The following ATP9B variants were observed in gnomAD, a reference collection of about 807,000 sequenced individuals.
The protein encoded by ATP9B is ATPase phospholipid transporting 9B, also known as probable phospholipid-transporting ATPase IIB.
Under a neutral mutation model 146.1 loss-of-function variants are expected in ATP9B, and 110 were observed. The ratio of observed to expected loss-of-function variants is 0.75; its 90% CI spans 0.65 to 0.88. The LOEUF is 0.88. ATP9B is among the 40% of genes least tolerant of loss of function. ATP9B has a pLI of 0.00. For missense variants in ATP9B, 1,499 were observed against 1,496.4 expected, an observed-to-expected ratio of 1.00 and a Z score of -0.03; for synonymous variants, 604 against 569.7, an observed-to-expected ratio of 1.06 and a Z score of -0.86.
chr18:79,137,290 C>G (rs530463598), intron 5 of ATP9B, among the ~76,000 whole-genome samples: 1 of 152,196 alleles, frequency 6.6e-6, no homozygotes, highest in Non-Finnish European at 1.5e-5. Flanking sequence ...TTTTTCTCCT[C>G]GTATGGGTCA....
chr18:79,232,852 C>A (rs2095804891), intron 11 of ATP9B, among the ~76,000 whole-genome samples: 1 of 152,164 alleles, frequency 6.6e-6, no homozygotes, highest in African/African-American at 2.4e-5. Flanking sequence ...CCTTGAAGGG[C>A]TTATTTGTAG....
chr18:79,167,919 C>T (rs557605971), intron 7 of ATP9B, among the ~76,000 whole-genome samples: 78 of 152,314 alleles, frequency 5.1e-4, no homozygotes, highest in African/African-American at 1.7e-3. Flanking sequence ...CCAAGGTTGC[C>T]TGCAGGCCTG....
intron 11 of ATP9B, among the ~76,000 whole-genome samples, chr18:79,219,781 G>A (rs1394511585): frequency 6.6e-6 from 1 of 152,070 alleles, no homozygotes; most frequent in African/African-American, 2.4e-5. Context: ...ACGTTCCTGA[G>A]GTTAAAAAAT....
intron 7 of ATP9B, among the ~76,000 whole-genome samples, chr18:79,156,895 C>G (rs1329579502): frequency 6.6e-6 from 1 of 152,166 alleles, no homozygotes; most frequent in Non-Finnish European, 1.5e-5. Flanking sequence ...ACAGCACAGA[C>G]TGCTGCGTGG....
chr18:79,261,892 T>C (rs2145319396), intron 12 of ATP9B, among the ~76,000 whole-genome samples: 1 of 152,312 alleles, frequency 6.6e-6, no homozygotes, highest in Admixed American at 6.5e-5. Context: ...TCCCACTTTA[T>C]AATAGGCAGC....
intron 12 of ATP9B, among the ~76,000 whole-genome samples, chr18:79,268,994 T>C (rs867639924): frequency 1.3e-5 from 2 of 152,276 alleles, no homozygotes; most frequent in Middle Eastern, 3.4e-3. Flanking sequence ...CCTCTCCTCA[T>C]TGGTGGCATT....
intron 25 of ATP9B, among the ~76,000 whole-genome samples, chr18:79,355,950 C>T (rs1463491076): frequency 6.6e-6 from 1 of 152,122 alleles, no homozygotes; most frequent in Non-Finnish European, 1.5e-5. Flanking sequence ...GCCTCATGGG[C>T]ACGGCACACT....
In ATP9B at chr18:79,316,693, A is replaced by G. The variant is rs116332533; in HGVS notation, c.1773+9459A>G. The stretch of plus-strand genomic sequence containing the variant: ...CCCTCACCAGATGCCATGTGCATCA[A>G]GAGAAAGAAATGAACATATGTTAAC... On this transcript the variant is annotated intron_variant, in intron 15 of 29. Coordinates refer to ENST00000426216, the MANE Select transcript of ATP9B (RefSeq NM_198531.5). Among the ~76,000 whole-genome samples the G allele has an allele frequency of 7.5e-3, 1,147 of 152,002 alleles. 18 individuals are homozygous for G. Among genetic ancestry groups the G allele is most frequent in the African/African-American group, 0.026 (1,101 of 41,550 alleles).
At chr18:79,329,091 G>A (rs2096776407) in intron 15 of ATP9B, 50 bp from the exon 16 acceptor site, 2 of 1,463,728 alleles carry the variant, frequency 1.4e-6, no homozygotes, top group Non-Finnish European at 1.8e-6. Flanking sequence ...TCGCCTGCGT[G>A]CGGCTTTCCT....
intron 15 of ATP9B, among the ~76,000 whole-genome samples, chr18:79,327,277 A>C (rs148962043): frequency 9.3e-4 from 141 of 152,274 alleles, no homozygotes; most frequent in African/African-American, 3.2e-3. Context: ...GTGGGTGAGA[A>C]TGAGGTTGTG....
intron 13 of ATP9B, among the ~76,000 whole-genome samples, chr18:79,300,320 G>T (rs1284934148): frequency 6.6e-6 from 1 of 152,148 alleles, no homozygotes; most frequent in African/African-American, 2.4e-5. Context: ...ACTGGGTCAG[G>T]CATGTCACCT....
chr18:79,083,946 T>TCTC, intron 1 of ATP9B, among the ~76,000 whole-genome samples: 1 of 150,774 alleles, frequency 6.6e-6, no homozygotes, highest in East Asian at 2.0e-4. Flanking sequence ...CACTGCAGCC[T>TCTC]CTCCTGGCTT....
chr18:79,359,448 A>G lies in ATP9B; in HGVS notation c.2998A>G (p.Lys1000Glu). 6.2e-7 allele frequency: 1 copy of G among 1,613,706 alleles called. No homozygotes were observed. Among genetic ancestry groups the G allele is most frequent in the Non-Finnish European group, 8.5e-7 (1 of 1,179,618 alleles). Reference sequence around the variant, plus strand: ...GGCGATGCTCTACCCGGAGCTGTACAAGGACCTCACCAAGGTACGGGCCTC... The same window carrying G: ...GGCGATGCTCTACCCGGAGCTGTACGAGGACCTCACCAAGGTACGGGCCTC... ...EMAMLYPELY[K>E]DLTKGRSLSF... is the part of the protein sequence containing the mutation. The change falls in exon 26 of 30, where the codon AAG (lysine) becomes GAG (glutamate). Residue 1000 changes from lysine to glutamate, a missense_variant. Coordinates refer to ENST00000426216, the MANE Select transcript of ATP9B (RefSeq NM_198531.5).
chr18:79,231,803 T>TATATATATATATATACACACACAC lies in ATP9B; in HGVS notation c.1107+17766_1107+17767insTATATATATATATACACACACACA, dbSNP rs569726473. ...GTATATATATATATATATATATATA[T>TATATATATATATATACACACACAC]ACACACACACACCATGGAATACTGC... On this transcript the variant is annotated intron_variant, in intron 11 of 29. Transcript: ENST00000426216. Among the ~76,000 whole-genome samples the TATATATATATATATACACACACAC allele has an allele frequency of 2.3e-3, 268 of 114,670 alleles. 1 individual carries two copies. Among genetic ancestry groups the TATATATATATATATACACACACAC allele is most frequent in the African/African-American group, 8.7e-3 (256 of 29,448 alleles). The allele number at this position is 114,670 out of a possible 152,430, so 75.2% of individuals were successfully genotyped here.
intron 27 of ATP9B, 138 bp downstream of exon 27, chr18:79,373,020 C>T (rs2097081520): frequency 2.2e-5 from 12 of 555,754 alleles, no homozygotes; most frequent in South Asian, 4.9e-5. Context: ...TTCTGTTTAT[C>T]TTGTAAATCA....
At chr18:79,306,429 G>A (rs991377521) in intron 14 of ATP9B, among the ~76,000 whole-genome samples, 22 of 152,266 alleles carry the variant, frequency 1.4e-4, no homozygotes, top group African/African-American at 3.9e-4. Context: ...GATATGACAC[G>A]GGGCCATTTT....
chr18:79,338,971 T>C (rs1190423122), intron 19 of ATP9B, among the ~76,000 whole-genome samples: 3 of 152,244 alleles, frequency 2.0e-5, no homozygotes, highest in African/African-American at 7.2e-5. Context: ...TGCTGTGCCA[T>C]GGACAGAAAA....
chr18:79,126,483 T>A, intron 5 of ATP9B, 108 bp downstream of exon 5: 1 of 752,804 alleles, frequency 1.3e-6, no homozygotes, highest in Non-Finnish European at 2.1e-6. Context: ...TTGAAAATAG[T>A]ATTATGTGAT....
chr18:79,071,398 C>CTT (rs747150962), intron 1 of ATP9B, among the ~76,000 whole-genome samples: 3 of 22,408 alleles, frequency 1.3e-4, no homozygotes, highest in Admixed American at 8.2e-4. Flanking sequence ...TATTGTTCTT[C>CTT]CTTTTTTTTT....
Sources: gnomAD v4.1 joint callset for allele counts (sites outside exome capture counted in the v4.1 genomes callset) on GRCh38, gnomAD v4.1.1 for gene constraint, MANE v1.5 for transcripts, NCBI Gene and HGNC (gene_info 2026-07-23, HGNC 2026-07-21) for gene names.